PRTG: variants seen among roughly 807,000 people sequenced by gnomAD.
PRTG encodes immunoglobulin superfamily, DCC subclass, member 5.
Under a neutral mutation model 122.5 loss-of-function variants are expected in PRTG, and 67 were observed. The ratio of observed to expected loss-of-function variants is 0.55; its 90% CI spans 0.45 to 0.67. The LOEUF (loss-of-function observed/expected upper bound fraction) is 0.67, where lower values mean the gene tolerates loss of function less well. Among genes scored for constraint, PRTG ranks in the 30% least tolerant of loss-of-function variants. The probability of loss-of-function intolerance (pLI) is 0.00; values close to 1 mark genes in which losing one functional copy is unlikely to be tolerated. For missense variants in PRTG, 1,435 were observed against 1,415.4 expected, an observed-to-expected ratio of 1.01 and a Z score of -0.22; for synonymous variants, 554 against 501.1, an observed-to-expected ratio of 1.11 and a Z score of -1.41.
At position 55,706,200 on chromosome 15, in the gene PRTG, A is replaced by C. The variant is rs139218777; in HGVS notation, c.398-22269T>G. ...TTACAAAAACACTTTGAAGGAAAGA[A>C]TACTACACTGTTAAGTCTCTCCATA... is the stretch of plus-strand genomic sequence containing the variant. On this transcript the variant is annotated intron_variant, in intron 2 of 19. Transcript: ENST00000389286. 1.8e-3 allele frequency among the ~76,000 whole-genome samples: 279 copies of C among 151,982 alleles called. 2 individuals are homozygous for C. The highest frequency in any genetic ancestry group is 1.5e-3 in the Non-Finnish European group (104 of 67,934).
At chr15:55,632,408 C>G (rs2059232593) in intron 15 of PRTG, among the ~76,000 whole-genome samples, 1 of 152,184 alleles carries the variant, frequency 6.6e-6, no homozygotes, top group African/African-American at 2.4e-5. Flanking sequence ...ACTCTTACCT[C>G]CTTACAATCT....
chr15:55,672,104 A>G (rs534649620), intron 11 of PRTG, among the ~76,000 whole-genome samples: 1 of 152,284 alleles, frequency 6.6e-6, no homozygotes, highest in South Asian at 2.1e-4. Context: ...TGATTTGGTG[A>G]TATCCCTATT....
At chr15:55,646,373 A>G (rs867676640) in intron 11 of PRTG, among the ~76,000 whole-genome samples, 1 of 148,302 alleles carries the variant, frequency 6.7e-6, no homozygotes, top group Non-Finnish European at 1.5e-5. Flanking sequence ...CCCAGGATGG[A>G]GTGCAGTGGC....
chr15:55,659,394 T>C (rs948147214), intron 11 of PRTG, among the ~76,000 whole-genome samples: 2 of 152,174 alleles, frequency 1.3e-5, no homozygotes, highest in Non-Finnish European at 2.9e-5. Context: ...CACTATCCCA[T>C]CAGGATCCTT....
rs189484493 is a variant in PRTG, at chr15:55,654,071, G to A, written c.2042-12863C>T. ...CATTCAAACACTGAAAAACTAATAC[G>A]AAAGTGAGATTGGAAGGTCCCACAA... is the stretch of plus-strand genomic sequence containing the variant. On this transcript the variant is annotated intron_variant, in intron 11 of 19. Transcript: ENST00000389286. Among the ~76,000 whole-genome samples, 729 of 152,250 alleles carry A rather than the reference G, an allele frequency of 4.8e-3. 4 individuals carry two copies. The highest frequency in any genetic ancestry group is 8.5e-3 in the Non-Finnish European group (577 of 68,022).
intron 9 of PRTG, 44 bp from the exon 10 acceptor site, chr15:55,673,720 G>A (rs370702931): frequency 9.5e-6 from 14 of 1,478,672 alleles, no homozygotes; most frequent in African/African-American, 5.6e-5. Context: ...ATTTAGAATC[G>A]AATTGCCACT....
intron 11 of PRTG, among the ~76,000 whole-genome samples, chr15:55,642,532 C>T (rs990399207): frequency 2.7e-5 from 4 of 146,884 alleles, no homozygotes; most frequent in African/African-American, 5.0e-5. Context: ...ACAGGAGAAT[C>T]GCTTGCAGTG....
intron 12 of PRTG, 37 bp from the exon 13 acceptor site, chr15:55,639,865 T>A: frequency 6.2e-7 from 1 of 1,601,730 alleles, no homozygotes; most frequent in Non-Finnish European, 8.5e-7. Flanking sequence ...CGATACGACA[T>A]AACATTTTAA....
chr15:55,622,310 T>C (rs1243494331), intron 18 of PRTG, among the ~76,000 whole-genome samples: 4 of 145,592 alleles, frequency 2.7e-5, no homozygotes, highest in Non-Finnish European at 6.0e-5. Context: ...CTCTGCCACC[T>C]GGGTTCAAGC....
chr15:55,730,090 C>T (rs1204790628), intron 2 of PRTG, among the ~76,000 whole-genome samples: 1 of 152,138 alleles, frequency 6.6e-6, no homozygotes, highest in Non-Finnish European at 1.5e-5. Context: ...TAAGGAATGT[C>T]TTTAATTTCA....
chr15:55,656,246 G>C (rs887649940), intron 11 of PRTG: 1 of 433,148 alleles, frequency 2.3e-6, no homozygotes, highest in Non-Finnish European at 4.6e-6. Flanking sequence ...ATCTAGAACT[G>C]TCTCCTGCTC....
intron 11 of PRTG, among the ~76,000 whole-genome samples, chr15:55,658,297 CA>C (rs2059391188): frequency 6.6e-6 from 1 of 151,898 alleles, no homozygotes; most frequent in East Asian, 1.9e-4. Flanking sequence ...AATGTTTGTG[CA>C]TGCGCATTAT....
intron 11 of PRTG, among the ~76,000 whole-genome samples, chr15:55,643,939 T>C (rs572575223): frequency 1.6e-4 from 25 of 151,984 alleles, no homozygotes; most frequent in South Asian, 1.5e-3. Flanking sequence ...TCATGGCTCA[T>C]TGCAGCCTTC....
Position 55,621,501 on chromosome 15 carries a change from C to T in PRTG, c.3094-734G>A, listed in dbSNP as rs191749828. ...TGAAATCCCGTCTCTACTAAAAATA[C>T]AAAAAAAATTAGCTGGGCATGGTAG... On this transcript the variant is annotated intron_variant, in intron 18 of 19. Transcript: ENST00000389286. 5.8e-3 allele frequency among the ~76,000 whole-genome samples: 876 copies of T among 151,658 alleles called. 4 individuals are homozygous for T. Among genetic ancestry groups the T allele is most frequent in the Non-Finnish European group, 8.6e-3 (581 of 67,882 alleles).
At position 55,613,759 on chromosome 15, in the gene PRTG, C is replaced by CTTTTTTTTTTTTTTTTTT; in HGVS notation, c.*6235_*6252dup. On this transcript the variant is annotated 3_prime_UTR_variant, in exon 20 of 20. Coordinates refer to ENST00000389286, the MANE Select transcript of PRTG (RefSeq NM_173814.6). The stretch of plus-strand genomic sequence containing the variant: ...ACTATGACCCTGGGTGATTAAATAC[C>CTTTTTTTTTTTTTTTTTT]TTTTTTTTTTTTTTTTTTTTTTAAG... 8.3e-6 allele frequency: 1 copy of CTTTTTTTTTTTTTTTTTT among 120,546 alleles called. No homozygotes were observed. Among genetic ancestry groups the CTTTTTTTTTTTTTTTTTT allele is most frequent in the Non-Finnish European group, 1.7e-5 (1 of 59,076 alleles). 7.5% of individuals were successfully genotyped at this position (120,546 alleles called of 1,614,324 possible). A position where few individuals can be genotyped will look rare whatever the true frequency, so the allele number is the denominator to read the frequency against.
chr15:55,624,567 C>G, intron 17 of PRTG, 60 bp from the exon 18 acceptor site: 1 of 1,431,382 alleles, frequency 7.0e-7, no homozygotes, highest in Non-Finnish European at 9.5e-7. Context: ...GGCAAATGAA[C>G]CACCTGGCCT....
intron 2 of PRTG, among the ~76,000 whole-genome samples, chr15:55,715,619 G>A (rs1224585773): frequency 3.9e-5 from 6 of 152,142 alleles, no homozygotes; most frequent in Admixed American, 3.9e-4. Context: ...AAATGTCTTT[G>A]ATTTGGGATC....
intron 2 of PRTG, among the ~76,000 whole-genome samples, chr15:55,729,540 G>A (rs2031155890): frequency 6.6e-6 from 1 of 151,984 alleles, no homozygotes; most frequent in Non-Finnish European, 1.5e-5. Flanking sequence ...ACTGAGGCAG[G>A]AGGACTGGAG....
chr15:55,626,387 C>A, intron 17 of PRTG, among the ~76,000 whole-genome samples: 1 of 148,886 alleles, frequency 6.7e-6, no homozygotes. Flanking sequence ...CCAGCCTGGG[C>A]GACAGAATGA....
Sources: gnomAD v4.1 joint callset for allele counts (sites outside exome capture counted in the v4.1 genomes callset) on GRCh38, gnomAD v4.1.1 for gene constraint, MANE v1.5 for transcripts, NCBI Gene and HGNC (gene_info 2026-07-23, HGNC 2026-07-21) for gene names.